The following GPC5 variants were observed in gnomAD, a reference collection of about 807,000 sequenced individuals.
GPC5 encodes glypican 5.
A neutral mutation model predicts 53.9 loss-of-function variants in GPC5; 47 were observed. The observed-to-expected ratio is 0.87, with a 90% CI of 0.69 to 1.11. The LOEUF (loss-of-function observed/expected upper bound fraction) is 1.11. Ranked by LOEUF, GPC5 falls within the 50% of genes most tolerant of loss-of-function variation. The pLI is 0.00. For synonymous variants in GPC5, 286 were observed against 263.3 expected (o/e 1.09, Z -0.84); for missense variants, 748 against 713.1 (o/e 1.05, Z -0.56).
chr13:91,509,851 G>C (rs1168867326), intron 2 of GPC5, among the ~76,000 whole-genome samples: 1 of 151,936 alleles, frequency 6.6e-6, no homozygotes, highest in Non-Finnish European at 1.5e-5. Context: ...GAGTACACAA[G>C]ATTACTCTTT....
At chr13:92,599,008 A>G (rs116047881) in intron 7 of GPC5, among the ~76,000 whole-genome samples, 2,464 of 152,320 alleles carry the variant, frequency 0.016, 77 homozygotes, top group African/African-American at 0.056. Flanking sequence ...GTATCTATTT[A>G]GTACTGTCTA....
chr13:92,810,657 T>G (rs1239631827), intron 7 of GPC5, among the ~76,000 whole-genome samples: 2 of 151,974 alleles, frequency 1.3e-5, no homozygotes, highest in Non-Finnish European at 2.9e-5. Flanking sequence ...AATTTGTCTA[T>G]TTTAGATACT....
At chr13:92,757,305 C>T (rs1217536052) in intron 7 of GPC5, among the ~76,000 whole-genome samples, 10 of 152,142 alleles carry the variant, frequency 6.6e-5, no homozygotes. Context: ...TGGATCCCTT[C>T]CTTACACCTT....
At chr13:92,041,603 A>G (rs146357575) in intron 6 of GPC5, among the ~76,000 whole-genome samples, 2 of 152,202 alleles carry the variant, frequency 1.3e-5, no homozygotes, top group Non-Finnish European at 2.9e-5. Context: ...AGCTGTGTCC[A>G]TTCAAGTGAT....
At chr13:92,281,427 C>T (rs1030076851) in intron 7 of GPC5, among the ~76,000 whole-genome samples, 2 of 152,200 alleles carry the variant, frequency 1.3e-5, no homozygotes, top group African/African-American at 4.8e-5. Context: ...AGTTTGAGAT[C>T]TGAGAACAGA....
chr13:92,518,385 G>A (rs935910663), intron 7 of GPC5, among the ~76,000 whole-genome samples: 9 of 152,040 alleles, frequency 5.9e-5, no homozygotes, highest in South Asian at 2.1e-4. Flanking sequence ...GAGAAAGGTC[G>A]GGTTACCCAC....
At chr13:91,483,065 A>G (rs1883392359) in intron 2 of GPC5, among the ~76,000 whole-genome samples, 1 of 152,146 alleles carries the variant, frequency 6.6e-6, no homozygotes, top group African/African-American at 2.4e-5. Flanking sequence ...CCCAAGATCC[A>G]TAGGAATTAG....
intron 7 of GPC5, among the ~76,000 whole-genome samples, chr13:92,654,084 C>A (rs1002627239): frequency 2.0e-5 from 3 of 152,180 alleles, no homozygotes; most frequent in African/African-American, 7.2e-5. Flanking sequence ...TGTTTCGGTC[C>A]ATTCACAATA....
intron 2 of GPC5, among the ~76,000 whole-genome samples, chr13:91,582,655 G>A (rs1017097891): frequency 1.3e-5 from 2 of 152,096 alleles, no homozygotes; most frequent in Admixed American, 1.3e-4. Flanking sequence ...CACTTTGAAA[G>A]ATCAAAGGAG....
intron 1 of GPC5, among the ~76,000 whole-genome samples, chr13:91,440,955 T>C (rs1255478677): frequency 6.6e-6 from 1 of 152,192 alleles, no homozygotes; most frequent in Non-Finnish European, 1.5e-5. Flanking sequence ...TCTTCCCTGG[T>C]ATTCCCCCTT....
chr13:92,497,355 T>A (rs542818177), intron 7 of GPC5, among the ~76,000 whole-genome samples: 1 of 152,312 alleles, frequency 6.6e-6, no homozygotes, highest in East Asian at 1.9e-4. Flanking sequence ...ACTTATTGAA[T>A]AGGAGATCCT....
rs114034937 is a variant in GPC5, at chr13:92,569,440, G to T, written c.1562-296842G>T. Among the ~76,000 whole-genome samples, 1,256 of 152,048 alleles carry T rather than the reference G, an allele frequency of 8.3e-3. 19 individuals carry two copies. The highest frequency in any genetic ancestry group is 0.028 in the African/African-American group (1,179 of 41,490). Reference sequence around the variant, plus strand: ...TTACATTATTTTGATGGCGTGCCGGGATCTAATTGTACTAGTTACATAGCT... The same window carrying T: ...TTACATTATTTTGATGGCGTGCCGGTATCTAATTGTACTAGTTACATAGCT... On this transcript the variant is annotated intron_variant, in intron 7 of 7. Coordinates refer to ENST00000377067, the MANE Select transcript of GPC5 (RefSeq NM_004466.6).
At position 92,663,650 on chromosome 13, in the gene GPC5, T is replaced by C. The variant is rs538185743; in HGVS notation, c.1562-202632T>C. On this transcript the variant is annotated intron_variant, in intron 7 of 7. Transcript: ENST00000377067. Reference sequence around the variant, plus strand: ...ATACTATATATACACACTATATATATACTATATATATATACTATATATATA... The same window carrying C: ...ATACTATATATACACACTATATATACACTATATATATATACTATATATATA... 7.1e-4 allele frequency among the ~76,000 whole-genome samples: 99 copies of C among 140,086 alleles called. 1 individual carries two copies. The highest frequency in any genetic ancestry group is 2.5e-3 in the African/African-American group (93 of 37,016). 91.9% of individuals were successfully genotyped at this position (140,086 alleles called of 152,430 possible).
intron 2 of GPC5, among the ~76,000 whole-genome samples, chr13:91,688,603 A>G (rs1013324936): frequency 2.0e-5 from 3 of 152,180 alleles, no homozygotes; most frequent in African/African-American, 7.2e-5. Flanking sequence ...GGAAATAAAC[A>G]GAATATTGAC....
intron 7 of GPC5, among the ~76,000 whole-genome samples, chr13:92,750,309 C>T (rs1049840101): frequency 6.6e-6 from 1 of 152,068 alleles, no homozygotes; most frequent in Non-Finnish European, 1.5e-5. Flanking sequence ...GAAATATGCA[C>T]ATTTTTGTCT....
At chr13:92,504,723 C>T (rs1255577282) in intron 7 of GPC5, among the ~76,000 whole-genome samples, 12 of 151,826 alleles carry the variant, frequency 7.9e-5, no homozygotes. Context: ...AAGGCAATGA[C>T]AATAGAGAAA....
At chr13:92,082,910 C>T (rs2041307919) in intron 6 of GPC5, among the ~76,000 whole-genome samples, 1 of 152,062 alleles carries the variant, frequency 6.6e-6, no homozygotes, top group Non-Finnish European at 1.5e-5. Context: ...AGAGATGTGT[C>T]TACCTGGGAT....
At chr13:92,054,355 C>G (rs1235913843) in intron 6 of GPC5, among the ~76,000 whole-genome samples, 2 of 152,180 alleles carry the variant, frequency 1.3e-5, no homozygotes. Context: ...GAAACTCTCA[C>G]TTCTTCATGA....
rs1035755267 is a variant in GPC5, at chr13:91,428,130, GC to G, written c.164-20630del. Among the ~76,000 whole-genome samples the G allele has an allele frequency of 1.7e-4, 26 of 152,164 alleles. 1 individual carries two copies. Among genetic ancestry groups the G allele is most frequent in the African/African-American group, 5.1e-4 (21 of 41,436 alleles). ...TGTGTTTATTTGCTATCCTATTGTT[GC>G]AGTTTCTTTGCTCCCATAGTTCAGT... is the stretch of plus-strand genomic sequence containing the variant. On this transcript the variant is annotated intron_variant, in intron 1 of 7. Transcript: ENST00000377067.
Sources: allele counts gnomAD v4.1 joint callset (sites outside exome capture counted in the v4.1 genomes callset), GRCh38; gene constraint gnomAD v4.1.1; transcripts MANE v1.5; gene names NCBI Gene and HGNC (gene_info 2026-07-23, HGNC 2026-07-21).